The following USP48 variants were observed in gnomAD, a reference collection of about 807,000 sequenced individuals.
USP48 encodes the protein ubiquitin carboxyl-terminal hydrolase 48.
In USP48, 43 loss-of-function variants were observed where a neutral mutation model predicts 150.7. That is an observed-to-expected ratio of 0.29 (90% CI 0.22 to 0.37). The LOEUF (loss-of-function observed/expected upper bound fraction) is 0.37. USP48 is among the 10% of genes least tolerant of loss of function. The probability of loss-of-function intolerance (pLI) is 1.00; values close to 1 mark genes in which losing one functional copy is unlikely to be tolerated. For synonymous variants in USP48, 396 were observed against 425.9 expected, an observed-to-expected ratio of 0.93 and a Z score of 0.86; for missense variants, 813 against 1,249.6, an observed-to-expected ratio of 0.65 and a Z score of 5.27.
intron 8 of USP48, among the ~76,000 whole-genome samples, chr1:21,745,342 A>G (rs2097792091): frequency 6.6e-6 from 1 of 152,042 alleles, no homozygotes; most frequent in African/African-American, 2.4e-5. Flanking sequence ...ATGGTGGCTC[A>G]TGCCTGTAAT....
chr1:21,771,905 C>T (rs554134714), intron 1 of USP48, among the ~76,000 whole-genome samples: 60 of 148,698 alleles, frequency 4.0e-4, no homozygotes, highest in African/African-American at 1.3e-3. Flanking sequence ...GCAACAAGAG[C>T]GAAACTCCAT....
chr1:21,704,398 CA>C lies in USP48; in HGVS notation c.2385-7del, dbSNP rs749210471. On this transcript the variant is annotated splice_region_variant and splice_polypyrimidine_tract_variant and intron_variant, in intron 19 of 26. Coordinates refer to ENST00000308271, the MANE Select transcript of USP48 (RefSeq NM_032236.8). ...TGGGCCATATGAGAGCTATACTGTG[CA>C]AAAAAAAAACACAACATGCCTTAAG... The C allele has an allele frequency of 3.8e-4, 509 of 1,345,488 alleles. No individual in the cohort carries two copies. Among genetic ancestry groups the C allele is most frequent in the Admixed American group, 1.4e-3 (61 of 42,988 alleles). The allele number at this position is 1,345,488 out of a possible 1,614,324, so 83.3% of individuals were successfully genotyped here.
At chr1:21,782,235 T>G (rs1324122228) in intron 1 of USP48, among the ~76,000 whole-genome samples, 1 of 152,076 alleles carries the variant, frequency 6.6e-6, no homozygotes, top group Non-Finnish European at 1.5e-5. Context: ...GGCGCAGACG[T>G]GAAGGACAGC....
chr1:21,699,285 G>A (rs150979115), intron 22 of USP48, among the ~76,000 whole-genome samples: 1,513 of 142,484 alleles, frequency 0.011, 29 homozygotes, highest in African/African-American at 0.038. Context: ...CGCAAGCTCC[G>A]CCTCCTGGGT....
chr1:21,706,658 C>T lies in USP48; in HGVS notation c.2089-69G>A, dbSNP rs991994181. ...ATGACCTGCCTCCTCCCTACACCCCCGTCAGAAGTACAGTGTTAATTCCCC... is the reference window on the plus strand; with the variant it reads ...ATGACCTGCCTCCTCCCTACACCCCTGTCAGAAGTACAGTGTTAATTCCCC... On this transcript the variant is annotated intron_variant, in intron 16 of 26. Transcript: ENST00000308271. 4.3e-6 allele frequency: 7 copies of T among 1,612,306 alleles called. No individual in the cohort carries two copies. In the East Asian group the frequency reaches 1.3e-4, roughly 31 times the overall value.
At chr1:21,706,419 G>T (rs772434727) in intron 17 of USP48, 48 bp downstream of exon 17, 1 of 1,611,286 alleles carries the variant, frequency 6.2e-7, no homozygotes, top group South Asian at 1.1e-5. Flanking sequence ...TTTGGCAAGG[G>T]CTTTAAAAAG....
intron 8 of USP48, among the ~76,000 whole-genome samples, chr1:21,741,100 T>A (rs192313158): frequency 6.6e-6 from 1 of 152,330 alleles, no homozygotes; most frequent in Non-Finnish European, 1.5e-5. Flanking sequence ...AATTTTCAGA[T>A]GCCCTAGGTG....
At chr1:21,699,585 C>A (rs1275600896) in intron 22 of USP48, among the ~76,000 whole-genome samples, 1 of 151,604 alleles carries the variant, frequency 6.6e-6, no homozygotes. Context: ...GTGATCTCAG[C>A]TCACTGCAAG....
intron 22 of USP48, among the ~76,000 whole-genome samples, chr1:21,699,985 T>G (rs2097650513): frequency 6.7e-6 from 1 of 148,306 alleles, no homozygotes; most frequent in South Asian, 2.2e-4. Context: ...CAAAGTCATG[T>G]CTGCAAACGC....
chr1:21,762,045 T>C (rs1427327409), intron 1 of USP48, among the ~76,000 whole-genome samples: 1 of 151,912 alleles, frequency 6.6e-6, no homozygotes, highest in Admixed American at 6.6e-5. Flanking sequence ...GGTGGGCAGA[T>C]CACTTGAGGC....
chr1:21,752,733 A>G (rs1009545558), intron 4 of USP48, 82 bp from the exon 5 acceptor site: 40 of 1,427,264 alleles, frequency 2.8e-5, no homozygotes, highest in Non-Finnish European at 3.5e-5. Flanking sequence ...TCAACATTCC[A>G]GAAACTACCT....
intron 1 of USP48, among the ~76,000 whole-genome samples, chr1:21,764,500 A>C (rs562748239): frequency 1.1e-4 from 17 of 151,538 alleles, no homozygotes; most frequent in African/African-American, 4.1e-4. Flanking sequence ...TGAGGTCAGG[A>C]GTTCAAGACC....
chr1:21,704,803 G>A (rs1490246209), intron 19 of USP48, among the ~76,000 whole-genome samples: 1 of 152,088 alleles, frequency 6.6e-6, no homozygotes, highest in South Asian at 2.1e-4. Context: ...GGAAGGGTGG[G>A]AGAAAGAGAA....
intron 23 of USP48, among the ~76,000 whole-genome samples, chr1:21,691,316 CAAA>C (rs58202473): frequency 2.0e-4 from 17 of 83,582 alleles, no homozygotes; most frequent in East Asian, 3.5e-4. Context: ...CTCCCATCTC[CAAA>C]AAAAAAAAAA....
intron 1 of USP48, among the ~76,000 whole-genome samples, chr1:21,771,545 TA>T (rs139722440): frequency 0.023 from 3,552 of 151,794 alleles, 145 homozygotes; most frequent in African/African-American, 0.08. Flanking sequence ...CCTTATCAGA[TA>T]TTTTTCAAAT....
intron 11 of USP48, among the ~76,000 whole-genome samples, chr1:21,725,364 A>G (rs557974559): frequency 1.2e-4 from 19 of 152,366 alleles, no homozygotes; most frequent in Admixed American, 7.8e-4. Flanking sequence ...GTTGTTGAGT[A>G]TAAAAGATAA....
chr1:21,768,614 T>A (rs969635501), intron 1 of USP48: 1 of 152,160 alleles, frequency 6.6e-6, no homozygotes, highest in Non-Finnish European at 1.5e-5. Context: ...CATGGCTACC[T>A]ATTCCCAGAA....
intron 25 of USP48, among the ~76,000 whole-genome samples, chr1:21,684,679 CTTACAT>C (rs144297426): frequency 0.74 from 110,566 of 148,464 alleles, 41,602 homozygotes; most frequent in Admixed American, 0.84. Flanking sequence ...AGTTTCAAGT[CTTACAT>C]TTAAGTCTTT....
At chr1:21,727,291 T>A (rs768105733) in intron 11 of USP48, among the ~76,000 whole-genome samples, 3 of 152,214 alleles carry the variant, frequency 2.0e-5, no homozygotes, top group African/African-American at 7.2e-5. Context: ...ATAAGTTTAC[T>A]GCAAATGGAA....
Sources: allele counts gnomAD v4.1 joint callset (sites outside exome capture counted in the v4.1 genomes callset), GRCh38; gene constraint gnomAD v4.1.1; transcripts MANE v1.5; gene names NCBI Gene and HGNC (gene_info 2026-07-23, HGNC 2026-07-21).